POT1: variants seen among roughly 807,000 people sequenced by gnomAD.
The protein encoded by POT1 is protection of telomeres 1, also known as protection of telomeres protein 1.
A neutral mutation model predicts 78.5 loss-of-function variants in POT1; 47 were observed. That is an observed-to-expected ratio of 0.60 (90% confidence interval 0.47 to 0.76). The LOEUF is 0.76. Among genes scored for constraint, POT1 ranks in the 30% least tolerant of loss-of-function variants. The probability of loss-of-function intolerance (pLI) is 0.00; values close to 1 mark genes in which losing one functional copy is unlikely to be tolerated. For synonymous variants in POT1, 259 were observed against 260.7 expected (o/e 0.99, Z 0.06); for missense variants, 646 against 749.9 (o/e 0.86, Z 1.62).
chr7:124,918,408 G>A (rs1288189601), intron 2 of POT1, among the ~76,000 whole-genome samples: 2 of 152,256 alleles, frequency 1.3e-5, no homozygotes, highest in East Asian at 1.9e-4. Context: ...CTGGGACTGC[G>A]TTTCTTGTGT....
At chr7:124,882,254 C>CA (rs1796136070) in intron 6 of POT1, among the ~76,000 whole-genome samples, 1 of 151,932 alleles carries the variant, frequency 6.6e-6, no homozygotes, top group Non-Finnish European at 1.5e-5. Flanking sequence ...TGTTTTTAAA[C>CA]CAATCAGTAT....
At chr7:124,914,136 GA>G (rs35946307) in intron 3 of POT1, among the ~76,000 whole-genome samples, 2,179 of 111,144 alleles carry the variant, frequency 0.02, 58 homozygotes, top group African/African-American at 0.068. Flanking sequence ...CTCTGTCTCA[GA>G]AAAAAAAAAA....
At chr7:124,886,257 A>G (rs1796240963) in intron 6 of POT1, among the ~76,000 whole-genome samples, 1 of 152,206 alleles carries the variant, frequency 6.6e-6, no homozygotes, top group South Asian at 2.1e-4. Context: ...TGTGAACTGC[A>G]TAAAGGTAAT....
chr7:124,926,869 A>C (rs1291710545), intron 2 of POT1, among the ~76,000 whole-genome samples: 1 of 152,214 alleles, frequency 6.6e-6, no homozygotes, highest in Non-Finnish European at 1.5e-5. Context: ...ATGTGAACTA[A>C]ATAATGTGTA....
At chr7:124,828,390 G>A (rs1794681448) in intron 16 of POT1, among the ~76,000 whole-genome samples, 1 of 152,088 alleles carries the variant, frequency 6.6e-6, no homozygotes, top group Non-Finnish European at 1.5e-5. Context: ...ATATCTTCTT[G>A]TTTGGAAATG....
intron 11 of POT1, chr7:124,848,667 GAAAAAAA>G (rs11322299): frequency 2.7e-5 from 3 of 109,970 alleles, no homozygotes; most frequent in Non-Finnish European, 3.9e-5. Flanking sequence ...CATCTCAAAA[GAAAAAAA>G]AAAAAAAAAA....
At chr7:124,832,681 A>G (rs1011769819) in intron 15 of POT1, among the ~76,000 whole-genome samples, 2 of 151,874 alleles carry the variant, frequency 1.3e-5, no homozygotes, top group African/African-American at 2.4e-5. Flanking sequence ...GCCGGGTGTT[A>G]GTGGTGCATG....
intron 6 of POT1, among the ~76,000 whole-genome samples, chr7:124,879,135 T>C (rs1238280784): frequency 6.6e-6 from 1 of 152,172 alleles, no homozygotes; most frequent in Non-Finnish European, 1.5e-5. Context: ...TTCTAAAAAA[T>C]CATTTCTCCA....
chr7:124,915,414 A>G (rs2116697192), intron 3 of POT1, among the ~76,000 whole-genome samples, 160 bp downstream of exon 3: 1 of 152,324 alleles, frequency 6.6e-6, no homozygotes, highest in South Asian at 2.1e-4. Context: ...AAGATGTTTA[A>G]GTCACATAAG....
intron 3 of POT1, among the ~76,000 whole-genome samples, chr7:124,905,017 T>C (rs896655471): frequency 6.6e-6 from 1 of 152,130 alleles, no homozygotes; most frequent in African/African-American, 2.4e-5. Flanking sequence ...TAGAAGAACA[T>C]TCCACGCTCA....
intron 3 of POT1, among the ~76,000 whole-genome samples, chr7:124,902,598 T>C (rs1229140767): frequency 6.6e-6 from 1 of 152,210 alleles, no homozygotes; most frequent in Non-Finnish European, 1.5e-5. Context: ...CCATTGAGGC[T>C]AGGAAGAAAC....
chr7:124,924,793 C>CA (rs1797234770), intron 2 of POT1, among the ~76,000 whole-genome samples: 1 of 151,956 alleles, frequency 6.6e-6, no homozygotes, highest in African/African-American at 2.4e-5. Context: ...CTCAGGGACG[C>CA]AAGAATAGTT....
chr7:124,885,258 C>T (rs1796215341), intron 6 of POT1, among the ~76,000 whole-genome samples: 1 of 134,670 alleles, frequency 7.4e-6, no homozygotes, highest in African/African-American at 2.9e-5. Flanking sequence ...GAGTTTTAGG[C>T]CAGCCTGGGC....
chr7:124,886,094 G>A (rs11768553), intron 6 of POT1, among the ~76,000 whole-genome samples: 48,529 of 151,906 alleles, frequency 0.32, 7,774 homozygotes, highest in South Asian at 0.4. Context: ...TCTTTATTCA[G>A]GATAAGAGCA....
At chr7:124,832,066 A>G (rs1346563172) in intron 15 of POT1, among the ~76,000 whole-genome samples, 2 of 150,998 alleles carry the variant, frequency 1.3e-5, no homozygotes, top group African/African-American at 4.9e-5. Flanking sequence ...TCCAGAGTTC[A>G]AGAACAGCCT....
At chr7:124,850,537 C>T (rs569884506) in intron 11 of POT1, among the ~76,000 whole-genome samples, 1 of 152,208 alleles carries the variant, frequency 6.6e-6, no homozygotes, top group Admixed American at 6.5e-5. Context: ...ACCATACTGG[C>T]TAACACAGTG....
Position 124,851,943 on chromosome 7 carries a change from T to C in POT1, c.878A>G (p.Glu293Gly). Reference sequence around the variant, plus strand: ...CTGATTGGCTGTCAAATTTGCAGATTCTAAATCCCTATAATTGAAAGAATA... The same window carrying C: ...CTGATTGGCTGTCAAATTTGCAGATCCTAAATCCCTATAATTGAAAGAATA... ...SDVDQLKKDL[E>G]SANLTANQHS... Residue 293 changes from glutamate (E) to glycine (G), a missense_variant, in exon 11 of 19, where the codon GAA (glutamate) becomes GGA (glycine). Glu to Gly is a moderately conservative substitution (Grantham distance 98). This residue lies in a region of POT1 where 394 missense variants were observed against 408.4 expected (regional missense o/e 0.96). Transcript: ENST00000357628. 6.2e-7 allele frequency: 1 copy of C among 1,603,124 alleles called. No homozygotes were observed.
chr7:124,919,510 G>GT (rs932168794), intron 2 of POT1, among the ~76,000 whole-genome samples: 5 of 152,264 alleles, frequency 3.3e-5, no homozygotes, highest in African/African-American at 1.2e-4. Flanking sequence ...TAAATAGGTA[G>GT]TTTGGTTAAA....
intron 3 of POT1, among the ~76,000 whole-genome samples, chr7:124,911,916 T>C (rs963712637): frequency 3.9e-5 from 6 of 152,148 alleles, no homozygotes; most frequent in South Asian, 2.1e-4. Flanking sequence ...CTGTATGTCA[T>C]AGCTATTCAG....
Sources: allele counts gnomAD v4.1 joint callset (sites outside exome capture counted in the v4.1 genomes callset), GRCh38; gene constraint gnomAD v4.1.1; regional missense constraint gnomAD v4.1.1; transcripts MANE v1.5; gene names NCBI Gene and HGNC (gene_info 2026-07-23, HGNC 2026-07-21).